The following ADGRA3 variants were observed in gnomAD, a reference collection of about 807,000 sequenced individuals.
ADGRA3 encodes the protein adhesion G protein-coupled receptor A3.
Under a neutral mutation model 119.8 loss-of-function variants are expected in ADGRA3, and 56 were observed. That is an observed-to-expected ratio of 0.47 (90% confidence interval 0.38 to 0.58). The LOEUF (loss-of-function observed/expected upper bound fraction) is 0.58. ADGRA3 is among the 20% of genes least tolerant of loss of function. The probability of loss-of-function intolerance (pLI) is 0.00; values close to 1 mark genes in which losing one functional copy is unlikely to be tolerated. For missense variants in ADGRA3, 1,516 were observed against 1,649.0 expected, an observed-to-expected ratio of 0.92 and a Z score of 1.40; for synonymous variants, 607 against 623.8, an observed-to-expected ratio of 0.97 and a Z score of 0.40.
intron 2 of ADGRA3, among the ~76,000 whole-genome samples, chr4:22,471,629 A>G (rs1434599152): frequency 6.6e-6 from 1 of 152,078 alleles, no homozygotes; most frequent in Non-Finnish European, 1.5e-5. Flanking sequence ...TGTACTTTGG[A>G]TGTGCTGAGC....
intron 8 of ADGRA3, among the ~76,000 whole-genome samples, chr4:22,437,842 G>A (rs1716456015): frequency 6.6e-6 from 1 of 152,046 alleles, no homozygotes. Flanking sequence ...CTACTGAACT[G>A]CCAGTAGTGA....
At chr4:22,400,642 ATACTG>A (rs1714591164) in intron 16 of ADGRA3, among the ~76,000 whole-genome samples, 1 of 152,166 alleles carries the variant, frequency 6.6e-6, no homozygotes, top group African/African-American at 2.4e-5. Context: ...ACAGGTAACA[ATACTG>A]TACTGTACAG....
chr4:22,388,920 C>G lies in ADGRA3; in HGVS notation c.2751G>C (p.Leu917Phe). 6.2e-7 allele frequency: 1 copy of G among 1,613,904 alleles called. No individual in the cohort carries two copies. Among genetic ancestry groups the G allele is most frequent in the Non-Finnish European group, 8.5e-7 (1 of 1,179,860 alleles). The part of the protein sequence containing the change: ...PYCWMAWEPS[L>F]GAFYGPASFI... Reference sequence around the variant, plus strand: ...AGCTGGCTGGCCCATAGAAGGCTCCCAAGGAGGGTTCCCATGCCATCCAGC... The same window carrying G: ...AGCTGGCTGGCCCATAGAAGGCTCCGAAGGAGGGTTCCCATGCCATCCAGC... The change falls in exon 19 of 19, where the codon TTG (leucine) becomes TTC (phenylalanine). Residue 917 changes from leucine to phenylalanine, a missense_variant. Transcript: ENST00000334304.
intron 1 of ADGRA3, among the ~76,000 whole-genome samples, chr4:22,500,958 C>A (rs573602952): frequency 2.6e-5 from 4 of 152,270 alleles, no homozygotes; most frequent in Admixed American, 2.6e-4. Context: ...CTGAGACACT[C>A]GTCTCCTGCC....
chr4:22,420,659 A>G, intron 12 of ADGRA3: 2 of 565,118 alleles, frequency 3.5e-6, no homozygotes, highest in Non-Finnish European at 6.2e-6. Context: ...GTAATTTCTG[A>G]TATTTTTATG....
intron 10 of ADGRA3, among the ~76,000 whole-genome samples, chr4:22,429,123 A>T (rs1716058192): frequency 6.6e-6 from 1 of 152,232 alleles, no homozygotes; most frequent in South Asian, 2.1e-4. Context: ...AACTTTAAAA[A>T]AAACTGAACA....
rs369679280 is a variant in ADGRA3, at chr4:22,466,441, T to G, written c.330-4633A>C. Among the ~76,000 whole-genome samples the G allele has an allele frequency of 7.2e-5, 11 of 152,258 alleles. No homozygotes were observed. In the East Asian group the frequency reaches 1.9e-3, roughly 27 times the overall value. On this transcript the variant is annotated intron_variant, in intron 2 of 18. Transcript: ENST00000334304. Reference sequence around the variant, plus strand: ...ATTCCTTCCTCCAGAAAAATACCTGTGAATGCTGGGCGCATTGGCTCACGC... The same window carrying G: ...ATTCCTTCCTCCAGAAAAATACCTGGGAATGCTGGGCGCATTGGCTCACGC...
chr4:22,461,877 A>G, intron 2 of ADGRA3, 69 bp from the exon 3 acceptor site: 2 of 944,966 alleles, frequency 2.1e-6, no homozygotes, highest in Non-Finnish European at 1.6e-6. Context: ...CAATACACTT[A>G]CCTGCTATAC....
chr4:22,497,772 A>G (rs28398960), intron 1 of ADGRA3, among the ~76,000 whole-genome samples: 1 of 151,334 alleles, frequency 6.6e-6, no homozygotes. Flanking sequence ...AAAAAAAAAA[A>G]AAAAAAAAAA....
At chr4:22,497,202 C>T (rs1718859558) in intron 1 of ADGRA3, among the ~76,000 whole-genome samples, 1 of 151,970 alleles carries the variant, frequency 6.6e-6, no homozygotes, top group African/African-American at 2.4e-5. Context: ...ACAGGCAAAG[C>T]CATAGAAGGT....
In ADGRA3 at chr4:22,452,249, C is replaced by T. The variant is rs146932233; in HGVS notation, c.473+2617G>A. On this transcript the variant is annotated intron_variant, in intron 4 of 18. Transcript: ENST00000334304. ...AGGAATGATAGACAGTGGAAAATCA[C>T]ATGCATGAGGGGGTAGGAAGAGGGT... 2.9e-4 allele frequency among the ~76,000 whole-genome samples: 44 copies of T among 152,218 alleles called. No individual in the cohort carries two copies. In the South Asian group the frequency reaches 8.5e-3, roughly 29 times the overall value.
In ADGRA3 at chr4:22,425,745, C is replaced by T. The variant is rs527723721; in HGVS notation, c.1444-1393G>A. 1.6e-4 allele frequency among the ~76,000 whole-genome samples: 24 copies of T among 152,322 alleles called. No homozygotes were observed. The South Asian group carries it at 5.0e-3, about 32-fold the overall frequency. ...CCCGTTTTGTATCCAATACACTTCA[C>T]ACAACGTATAATTATGGGGGCTGAA... On this transcript the variant is annotated intron_variant, in intron 10 of 18. Transcript: ENST00000334304.
At position 22,388,438 on chromosome 4, in the gene ADGRA3, T is replaced by C. The variant is rs370347164; in HGVS notation, c.3233A>G (p.Asn1078Ser). The C allele has an allele frequency of 1.5e-4, 250 of 1,613,672 alleles. 1 individual carries two copies. Among genetic ancestry groups the C allele is most frequent in the Non-Finnish European group, 2.0e-4 (236 of 1,179,936 alleles). Reference protein sequence around the residue: ...YSVQVNVQPPNSNGTNGEAPK... With the variant: ...YSVQVNVQPPSSNGTNGEAPK... ...TGCCTCTCCATTCGTCCCATTAGAG[T>C]TGGGGGGCTGGACGTTGACTTGCAC... is the stretch of plus-strand genomic sequence containing the variant. The change falls in exon 19 of 19, where the codon AAC becomes AGC. Residue 1078 changes from asparagine to serine, a missense_variant. Physicochemically the swap from Asn to Ser is conservative, Grantham distance 46. Coordinates refer to ENST00000334304, the MANE Select transcript of ADGRA3 (RefSeq NM_145290.4).
intron 12 of ADGRA3, among the ~76,000 whole-genome samples, chr4:22,418,015 C>G (rs1243685673): frequency 6.6e-6 from 1 of 152,154 alleles, no homozygotes; most frequent in Non-Finnish European, 1.5e-5. Flanking sequence ...TACACCTGAA[C>G]TCAAAACACC....
intron 16 of ADGRA3, among the ~76,000 whole-genome samples, chr4:22,400,272 G>A (rs1714557361): frequency 6.6e-6 from 1 of 152,110 alleles, no homozygotes; most frequent in African/African-American, 2.4e-5. Flanking sequence ...ATTACTCACA[G>A]TAGCCAAGAG....
chr4:22,488,836 A>G (rs779350664), intron 1 of ADGRA3, among the ~76,000 whole-genome samples: 4 of 152,186 alleles, frequency 2.6e-5, no homozygotes, highest in Non-Finnish European at 4.4e-5. Flanking sequence ...AGACTCCTAC[A>G]GTATATGCAA....
At chr4:22,484,998 C>T (rs1718385802) in intron 1 of ADGRA3, among the ~76,000 whole-genome samples, 1 of 152,068 alleles carries the variant, frequency 6.6e-6, no homozygotes, top group Non-Finnish European at 1.5e-5. Flanking sequence ...TGGAATAAAT[C>T]CTCTGCTTAA....
chr4:22,473,676 A>C (rs1717933757), intron 2 of ADGRA3, 96 bp downstream of exon 2: 1 of 680,066 alleles, frequency 1.5e-6, no homozygotes, highest in Non-Finnish European at 2.4e-6. Context: ...TTTTATTTTG[A>C]ATAGCTGGGA....
intron 15 of ADGRA3, 93 bp downstream of exon 15, chr4:22,402,582 T>C (rs1314386133): frequency 7.6e-7 from 1 of 1,311,546 alleles, no homozygotes; most frequent in African/African-American, 1.5e-5. Flanking sequence ...AAATACAGGA[T>C]GATAACAAAC....
Sources: allele counts gnomAD v4.1 joint callset (sites outside exome capture counted in the v4.1 genomes callset), GRCh38; gene constraint gnomAD v4.1.1; transcripts MANE v1.5; gene names NCBI Gene and HGNC (gene_info 2026-07-23, HGNC 2026-07-21).